The following SLC9A9 variants were observed in gnomAD, a reference collection of about 807,000 sequenced individuals.
The protein encoded by SLC9A9 is solute carrier family 9 member A9.
SLC9A9 carries 62 observed loss-of-function variants against 77.8 expected under a neutral mutation model. That is an observed-to-expected ratio of 0.80 (90% confidence interval 0.65 to 0.98). The LOEUF is 0.98. SLC9A9 is among the 50% of genes least tolerant of loss of function. SLC9A9 has a pLI of 0.00. For synonymous variants in SLC9A9, 320 were observed against 283.5 expected (o/e 1.13, Z -1.29); for missense variants, 775 against 774.9 (o/e 1.00, Z 0.00).
chr3:143,610,017 CT>C (rs1198332325), intron 6 of SLC9A9, among the ~76,000 whole-genome samples: 2 of 152,164 alleles, frequency 1.3e-5, no homozygotes, highest in Non-Finnish European at 2.9e-5. Context: ...TGACTCTATT[CT>C]TTCATAAATC....
chr3:143,600,934 G>A (rs2037835904), intron 6 of SLC9A9, among the ~76,000 whole-genome samples: 1 of 152,306 alleles, frequency 6.6e-6, no homozygotes, highest in East Asian at 1.9e-4. Context: ...ATGCAGGGAG[G>A]AAGTTCTGTG....
chr3:143,532,505 G>A (rs1053010635), intron 9 of SLC9A9, among the ~76,000 whole-genome samples: 1 of 152,082 alleles, frequency 6.6e-6, no homozygotes, highest in Non-Finnish European at 1.5e-5. Flanking sequence ...ATATACACCA[G>A]TCTCTAATAC....
chr3:143,417,128 G>A (rs193235697), intron 12 of SLC9A9, among the ~76,000 whole-genome samples: 116 of 152,270 alleles, frequency 7.6e-4, no homozygotes, highest in African/African-American at 2.7e-3. Context: ...GCTAAGGAAA[G>A]GGAGTGAGAA....
chr3:143,639,245 G>A (rs577019222), intron 6 of SLC9A9, among the ~76,000 whole-genome samples: 26 of 152,294 alleles, frequency 1.7e-4, no homozygotes, highest in Admixed American at 6.5e-4. Flanking sequence ...TTAGTATGCA[G>A]TATTTTAGAT....
At chr3:143,758,708 T>C (rs891136467) in intron 4 of SLC9A9, among the ~76,000 whole-genome samples, 1 of 151,892 alleles carries the variant, frequency 6.6e-6, no homozygotes, top group African/African-American at 2.4e-5. Flanking sequence ...TGATTCTAAG[T>C]GTAATGGTTT....
chr3:143,318,729 T>C (rs183158767), intron 14 of SLC9A9, among the ~76,000 whole-genome samples: 94 of 152,332 alleles, frequency 6.2e-4, no homozygotes, highest in African/African-American at 2.2e-3. Flanking sequence ...CCAGTTCTGC[T>C]ACCTGCCTGA....
At chr3:143,778,620 T>C (rs573873119) in intron 4 of SLC9A9, among the ~76,000 whole-genome samples, 1 of 152,188 alleles carries the variant, frequency 6.6e-6, no homozygotes, top group African/African-American at 2.4e-5. Context: ...TAAAAAAATA[T>C]CTTTATAAGT....
intron 12 of SLC9A9, among the ~76,000 whole-genome samples, chr3:143,459,394 T>A (rs1215159990): frequency 6.6e-6 from 1 of 152,138 alleles, no homozygotes; most frequent in African/African-American, 2.4e-5. Context: ...CTGGGGAGAA[T>A]GTTGAGATTT....
intron 8 of SLC9A9, among the ~76,000 whole-genome samples, chr3:143,562,854 G>C (rs987325583): frequency 3.3e-5 from 5 of 151,904 alleles, no homozygotes; most frequent in Admixed American, 2.6e-4. Flanking sequence ...ATACATCTGG[G>C]TCCATGCGGA....
chr3:143,521,318 G>A (rs937232380), intron 9 of SLC9A9, among the ~76,000 whole-genome samples: 2 of 152,082 alleles, frequency 1.3e-5, no homozygotes, highest in Non-Finnish European at 2.9e-5. Context: ...CACTCAAAGG[G>A]GCCTGAAGGG....
intron 12 of SLC9A9, among the ~76,000 whole-genome samples, chr3:143,421,859 C>A (rs2034302795): frequency 6.6e-6 from 1 of 152,066 alleles, no homozygotes; most frequent in Admixed American, 6.5e-5. Context: ...GGTCTAATAC[C>A]AGAATCTACA....
chr3:143,513,450 A>G (rs1417151628), intron 9 of SLC9A9, among the ~76,000 whole-genome samples: 1 of 152,156 alleles, frequency 6.6e-6, no homozygotes, highest in East Asian at 1.9e-4. Flanking sequence ...ACCACATTCG[A>G]AGTTACTTCC....
At chr3:143,629,715 A>G (rs114793042) in intron 6 of SLC9A9, among the ~76,000 whole-genome samples, 2,076 of 152,204 alleles carry the variant, frequency 0.014, 42 homozygotes, top group African/African-American at 0.047. Flanking sequence ...TCCAGGAAAG[A>G]AAGAGGGTGG....
intron 6 of SLC9A9, among the ~76,000 whole-genome samples, chr3:143,640,086 A>G (rs2038596821): frequency 1.4e-5 from 2 of 147,826 alleles, no homozygotes; most frequent in African/African-American, 2.5e-5. Context: ...CAGTGGCGCA[A>G]TCTTGGCTCA....
chr3:143,437,503 G>A (rs1434586604), intron 12 of SLC9A9, among the ~76,000 whole-genome samples: 7 of 152,212 alleles, frequency 4.6e-5, no homozygotes, highest in Non-Finnish European at 7.3e-5. Flanking sequence ...TTCCTTTGAG[G>A]CACGATAGTG....
intron 4 of SLC9A9, among the ~76,000 whole-genome samples, chr3:143,694,548 A>G (rs1450928444): frequency 6.6e-6 from 1 of 152,156 alleles, no homozygotes; most frequent in Non-Finnish European, 1.5e-5. Flanking sequence ...ACTTCTACAC[A>G]TGCTTTATTT....
At position 143,651,060 on chromosome 3, in the gene SLC9A9, A is replaced by T. The variant is rs368092559; in HGVS notation, c.755+1195T>A. Among the ~76,000 whole-genome samples, 5 of 152,352 alleles carry T rather than the reference A, an allele frequency of 3.3e-5. No individual in the cohort carries two copies. The South Asian group carries it at 6.2e-4, about 19-fold the overall frequency. ...TCCAACTTGGCAGCTCAGGAAGTAA[A>T]AATGAGGAACTCAGCAGATTTTTAA... is the stretch of plus-strand genomic sequence containing the variant. On this transcript the variant is annotated intron_variant, in intron 6 of 15. Coordinates refer to ENST00000316549, the MANE Select transcript of SLC9A9 (RefSeq NM_173653.4).
At chr3:143,288,567 C>T (rs1019921002) in intron 14 of SLC9A9, among the ~76,000 whole-genome samples, 1 of 152,170 alleles carries the variant, frequency 6.6e-6, no homozygotes, top group African/African-American at 2.4e-5. Flanking sequence ...ACATTGGGCT[C>T]ATTCTGGTCA....
chr3:143,758,140 C>T (rs1210835397), intron 4 of SLC9A9, among the ~76,000 whole-genome samples: 1 of 152,166 alleles, frequency 6.6e-6, no homozygotes, highest in East Asian at 1.9e-4. Flanking sequence ...TTATAACACT[C>T]AGTTCTACAT....
Sources: allele counts gnomAD v4.1 joint callset (sites outside exome capture counted in the v4.1 genomes callset), GRCh38; gene constraint gnomAD v4.1.1; transcripts MANE v1.5; gene names NCBI Gene and HGNC (gene_info 2026-07-23, HGNC 2026-07-21).